FAM167A: variants seen among roughly 807,000 people sequenced by gnomAD.
FAM167A encodes the protein protein FAM167A.
FAM167A carries 23 observed loss-of-function variants against 14.9 expected under a neutral mutation model. That is an observed-to-expected ratio of 1.55 (90% confidence interval 1.11 to 2.19). The LOEUF is 2.19. Among genes scored for constraint, FAM167A ranks in the 30% most tolerant of loss-of-function variants. The probability of loss-of-function intolerance (pLI) is 0.00; values close to 1 mark genes in which losing one functional copy is unlikely to be tolerated. For missense variants in FAM167A, 401 were observed against 281.5 expected (o/e 1.42, Z -3.04); for synonymous variants, 174 against 117.7 (o/e 1.48, Z -3.10).
chr8:11,439,854 G>A (rs1231021303), intron 2 of FAM167A, among the ~76,000 whole-genome samples: 2 of 152,272 alleles, frequency 1.3e-5, no homozygotes, highest in African/African-American at 2.4e-5. Context: ...ACAGAAAGGA[G>A]GGTCCCTGCT....
upstream of FAM167A, among the ~76,000 whole-genome samples, chr8:11,468,748 C>T (rs1007899842): frequency 2.0e-5 from 3 of 152,252 alleles, no homozygotes; most frequent in Non-Finnish European, 4.4e-5. Context: ...TCCTGGCTCC[C>T]TGTTTGACCT....
chr8:11,433,654 CAG>C (rs1563364272), intron 2 of FAM167A, among the ~76,000 whole-genome samples: 1 of 152,184 alleles, frequency 6.6e-6, no homozygotes. Flanking sequence ...GGCAGGCAGA[CAG>C]AATGCCAAGG....
At chr8:11,467,917 G>T (rs1335133366), upstream of FAM167A, among the ~76,000 whole-genome samples, 2 of 152,236 alleles carry the variant, frequency 1.3e-5, no homozygotes, top group African/African-American at 4.8e-5. Flanking sequence ...TAAGCTAGCG[G>T]GTGTATTAAC....
rs1170670438 is a variant in FAM167A, at chr8:11,444,746, C to A, written c.-335G>T. 9 of 1,055,554 alleles carry A rather than the reference C, an allele frequency of 8.5e-6. No homozygotes were observed. The highest frequency in any genetic ancestry group is 1.0e-5 in the Non-Finnish European group (9 of 875,444). 65.4% of individuals were successfully genotyped at this position (1,055,554 alleles called of 1,614,324 possible). A position where few individuals can be genotyped will look rare whatever the true frequency, so the allele number is the denominator to read the frequency against. ...TATCTGTCCTGAACGCACTCGAAGA[C>A]CAGACTGGCAGGAAGAAGGCCCAGA... is the stretch of plus-strand genomic sequence containing the variant. On this transcript the variant is annotated 5_prime_UTR_variant, in exon 2 of 3. Coordinates refer to ENST00000284486, the MANE Select transcript of FAM167A (RefSeq NM_053279.3).
chr8:11,442,443 T>C (rs1303554649), intron 2 of FAM167A, among the ~76,000 whole-genome samples: 1 of 152,092 alleles, frequency 6.6e-6, no homozygotes, highest in African/African-American at 2.4e-5. Flanking sequence ...GCAGGACAAA[T>C]TCTAGGAAAC....
At chr8:11,427,322 TA>T (rs1805242286) in intron 2 of FAM167A, among the ~76,000 whole-genome samples, 1 of 152,210 alleles carries the variant, frequency 6.6e-6, no homozygotes, top group Non-Finnish European at 1.5e-5. Flanking sequence ...ACATGGTACA[TA>T]GGGACTGGCT....
chr8:11,424,312 C>G lies in FAM167A; in HGVS notation c.*61G>C. The G allele has an allele frequency of 6.3e-7, 1 of 1,598,110 alleles. No homozygotes were observed. The highest frequency in any genetic ancestry group is 8.5e-7 in the Non-Finnish European group (1 of 1,170,152). On this transcript the variant is annotated 3_prime_UTR_variant, in exon 3 of 3. Coordinates refer to ENST00000284486, the MANE Select transcript of FAM167A (RefSeq NM_053279.3). ...ACTGGAGTAACTTGGCCTCAGCTTC[C>G]TCTGACACCCCTCCAGCCCAAGCCC...
chr8:11,444,548 C>G lies in FAM167A; in HGVS notation c.-137G>C. The G allele has an allele frequency of 6.8e-7, 1 of 1,470,158 alleles. No individual in the cohort carries two copies. The highest frequency in any genetic ancestry group is 2.5e-5 in the Admixed American group (1 of 39,316). 91.1% of individuals were successfully genotyped at this position (1,470,158 alleles called of 1,614,324 possible). On this transcript the variant is annotated 5_prime_UTR_variant, in exon 2 of 3. Coordinates refer to ENST00000284486, the MANE Select transcript of FAM167A (RefSeq NM_053279.3). ...AGGGCATTTCCGGGACAGGAGCCGG[C>G]CTCAGAGGCTGGGTGGCAGGGGAGC...
chr8:11,437,414 C>T (rs575682881), intron 2 of FAM167A, among the ~76,000 whole-genome samples: 54 of 152,334 alleles, frequency 3.5e-4, no homozygotes, highest in African/African-American at 1.3e-3. Flanking sequence ...TCCCCTCCTC[C>T]CTGCTCAACG....
intron 1 of FAM167A, among the ~76,000 whole-genome samples, chr8:11,449,970 C>G (rs1585266579): frequency 6.6e-6 from 1 of 152,240 alleles, no homozygotes; most frequent in African/African-American, 2.4e-5. Context: ...GCAGGCACTG[C>G]TGACCCATCC....
intron 2 of FAM167A, among the ~76,000 whole-genome samples, chr8:11,439,702 C>T (rs547998084): frequency 2.6e-5 from 4 of 152,320 alleles, no homozygotes; most frequent in African/African-American, 9.6e-5. Context: ...CAGGGCTTCT[C>T]ACTACAAACT....
In FAM167A at chr8:11,424,547, G is replaced by A; in HGVS notation, c.471C>T (p.Cys157=). ...CGTTGAGCATCCTCCTGTGGAGGCG[G>A]CAGGTGTGTTCGATTTTCAGCTTGT... ...DINKLKIEHT[C]RLHRRMLNDA... is the part of the protein sequence containing the mutation. Residue 157 remains cysteine, a synonymous_variant, in exon 3 of 3, where the codon TGC becomes TGT. Coordinates refer to ENST00000284486, the MANE Select transcript of FAM167A (RefSeq NM_053279.3). 1 of 1,614,180 alleles carries A rather than the reference G, an allele frequency of 6.2e-7. No homozygotes were observed. Among genetic ancestry groups the A allele is most frequent in the Non-Finnish European group, 8.5e-7 (1 of 1,180,032 alleles).
chr8:11,433,015 G>C (rs565000815), intron 2 of FAM167A, among the ~76,000 whole-genome samples: 34 of 152,262 alleles, frequency 2.2e-4, no homozygotes, highest in African/African-American at 8.2e-4. Flanking sequence ...GTTGAACAAT[G>C]ATAACACGTG....
At chr8:11,468,406 A>G (rs1807853665), upstream of FAM167A, among the ~76,000 whole-genome samples, 1 of 152,272 alleles carries the variant, frequency 6.6e-6, no homozygotes, top group Admixed American at 6.5e-5. Flanking sequence ...CCCAGGTTAC[A>G]GGTGCTGGCA....
chr8:11,439,368 T>A (rs1825187854), intron 2 of FAM167A, among the ~76,000 whole-genome samples: 1 of 152,232 alleles, frequency 6.6e-6, no homozygotes, highest in South Asian at 2.1e-4. Context: ...CACACATGGA[T>A]GACACCTGCC....
Position 11,424,291 on chromosome 8 carries a change from G to C in FAM167A, c.*82C>G. On this transcript the variant is annotated 3_prime_UTR_variant, in exon 3 of 3. Transcript: ENST00000284486. ...ACCCCTGCCTCCGGGAGACCCACTG[G>C]AGTAACTTGGCCTCAGCTTCCTCTG... 6.4e-7 allele frequency: 1 copy of C among 1,572,392 alleles called. No homozygotes were observed. Among genetic ancestry groups the C allele is most frequent in the South Asian group, 1.2e-5 (1 of 86,040 alleles).
intron 1 of FAM167A, among the ~76,000 whole-genome samples, chr8:11,449,585 G>A (rs933881384): frequency 6.6e-6 from 1 of 152,180 alleles, no homozygotes; most frequent in Non-Finnish European, 1.5e-5. Flanking sequence ...CCAGACCTGG[G>A]ACCTAGGGTG....
At chr8:11,459,841 G>A (rs1807468298) in intron 1 of FAM167A, among the ~76,000 whole-genome samples, 2 of 152,176 alleles carry the variant, frequency 1.3e-5, no homozygotes, top group Non-Finnish European at 2.9e-5. Context: ...TCAGCCTCCT[G>A]AGTAGCTGGG....
At chr8:11,465,965 C>T (rs577098278) in intron 1 of FAM167A, among the ~76,000 whole-genome samples, 8 of 152,238 alleles carry the variant, frequency 5.3e-5, no homozygotes, top group African/African-American at 1.7e-4. Flanking sequence ...CAGGCAGTAA[C>T]GGGTGTGCAG....
Sources: gnomAD v4.1 joint callset for allele counts (sites outside exome capture counted in the v4.1 genomes callset) on GRCh38, gnomAD v4.1.1 for gene constraint, MANE v1.5 for transcripts, NCBI Gene and HGNC (gene_info 2026-07-23, HGNC 2026-07-21) for gene names.